PPARGC1A: variants seen among roughly 807,000 people sequenced by gnomAD.
The protein encoded by PPARGC1A is peroxisome proliferator-activated receptor gamma coactivator 1-alpha.
In PPARGC1A, 25 loss-of-function variants were observed where a neutral mutation model predicts 88.7. The ratio of observed to expected loss-of-function variants is 0.28; its 90% CI spans 0.21 to 0.39. The LOEUF is 0.39. Ranked by LOEUF, PPARGC1A falls within the 10% of genes least tolerant of loss-of-function variation. The pLI is 1.00. For synonymous variants in PPARGC1A, 363 were observed against 355.6 expected (o/e 1.02, Z -0.24); for missense variants, 880 against 968.7 (o/e 0.91, Z 1.22).
the PPARGC1A span, among the ~76,000 whole-genome samples, chr4:24,337,502 T>C: frequency 6.6e-6 from 1 of 152,026 alleles, no homozygotes; most frequent in Non-Finnish European, 1.5e-5. Flanking sequence ...CGACCAGAGC[T>C]CATGGAGGCA....
At chr4:24,175,081 G>C in the PPARGC1A span, among the ~76,000 whole-genome samples, 1 of 152,134 alleles carries the variant, frequency 6.6e-6, no homozygotes, top group African/African-American at 2.4e-5. Flanking sequence ...CCCTACAGAG[G>C]CCTCGCGATA....
the PPARGC1A span, among the ~76,000 whole-genome samples, chr4:24,263,435 G>C: frequency 7.3e-6 from 1 of 137,536 alleles, no homozygotes; most frequent in Non-Finnish European, 1.5e-5. Context: ...AATGACATAT[G>C]TATACACACA....
At chr4:23,935,488 A>G in the PPARGC1A span, among the ~76,000 whole-genome samples, 1 of 152,128 alleles carries the variant, frequency 6.6e-6, no homozygotes, top group Non-Finnish European at 1.5e-5. Context: ...ATGTTAGTAG[A>G]TATCAATTTT....
the PPARGC1A span, among the ~76,000 whole-genome samples, chr4:24,228,441 T>C: frequency 6.6e-6 from 1 of 152,086 alleles, no homozygotes; most frequent in African/African-American, 2.4e-5. Context: ...GAGCTAAACA[T>C]TGAGTCCTCA....
intron 12 of PPARGC1A, among the ~76,000 whole-genome samples, chr4:23,800,926 C>G (rs1193192499): frequency 3.4e-5 from 5 of 149,184 alleles, no homozygotes; most frequent in Non-Finnish European, 5.9e-5. Context: ...GGCACAGTGT[C>G]TGGCATATGG....
the PPARGC1A span, among the ~76,000 whole-genome samples, chr4:24,003,010 T>C: frequency 1.3e-5 from 2 of 152,204 alleles, no homozygotes; most frequent in Non-Finnish European, 2.9e-5. Flanking sequence ...GTCTGATTCC[T>C]CTTCTCAGTC....
At chr4:24,275,859 T>C in the PPARGC1A span, among the ~76,000 whole-genome samples, 1 of 152,108 alleles carries the variant, frequency 6.6e-6, no homozygotes, top group East Asian at 1.9e-4. Flanking sequence ...ATATATATAA[T>C]ACACACAGGC....
chr4:24,115,410 A>T, the PPARGC1A span, among the ~76,000 whole-genome samples: 2 of 152,152 alleles, frequency 1.3e-5, no homozygotes, highest in South Asian at 4.1e-4. Context: ...AGGCAATCCT[A>T]CATGCTTAGG....
chr4:24,018,681 TTA>T, the PPARGC1A span, among the ~76,000 whole-genome samples: 1 of 152,234 alleles, frequency 6.6e-6, no homozygotes, highest in Non-Finnish European at 1.5e-5. Context: ...CATCTCTTGC[TTA>T]TGTTTTCTGA....
the PPARGC1A span, among the ~76,000 whole-genome samples, chr4:24,340,355 C>T: frequency 1.3e-5 from 2 of 152,266 alleles, no homozygotes; most frequent in Admixed American, 6.5e-5. Context: ...GCTACTTAAA[C>T]GGCTTATTGA....
the PPARGC1A span, among the ~76,000 whole-genome samples, chr4:24,416,776 A>G: frequency 6.6e-6 from 1 of 152,184 alleles, no homozygotes; most frequent in South Asian, 2.1e-4. Flanking sequence ...CACGCCTGTA[A>G]TCCCGGCACT....
chr4:24,050,450 C>A, the PPARGC1A span, among the ~76,000 whole-genome samples: 1 of 152,046 alleles, frequency 6.6e-6, no homozygotes, highest in African/African-American at 2.4e-5. Flanking sequence ...CCCACCTCAG[C>A]CTCCCAAAGT....
chr4:23,961,166 A>G, the PPARGC1A span, among the ~76,000 whole-genome samples: 3 of 152,166 alleles, frequency 2.0e-5, no homozygotes, highest in East Asian at 5.8e-4. Flanking sequence ...ACCTCCTAAC[A>G]GTACTATCTT....
At chr4:23,969,405 A>G in the PPARGC1A span, among the ~76,000 whole-genome samples, 1 of 152,272 alleles carries the variant, frequency 6.6e-6, no homozygotes, top group East Asian at 1.9e-4. Context: ...CAGCATCACT[A>G]AACTGGTAAG....
the PPARGC1A span, among the ~76,000 whole-genome samples, chr4:23,969,170 T>C: frequency 6.6e-6 from 1 of 152,164 alleles, no homozygotes; most frequent in South Asian, 2.1e-4. Context: ...GAGTCTAAGA[T>C]TCAAGTCTTA....
chr4:23,873,501 T>C (rs1390492114), intron 2 of PPARGC1A, among the ~76,000 whole-genome samples: 1 of 152,180 alleles, frequency 6.6e-6, no homozygotes, highest in Non-Finnish European at 1.5e-5. Flanking sequence ...TGCAGAAATA[T>C]CAGCCACTGT....
At chr4:23,834,085 G>A (rs1725557821) in intron 2 of PPARGC1A, among the ~76,000 whole-genome samples, 1 of 152,156 alleles carries the variant, frequency 6.6e-6, no homozygotes, top group Non-Finnish European at 1.5e-5. Context: ...GGATCACTTG[G>A]TCAGGAGATC....
the PPARGC1A span, among the ~76,000 whole-genome samples, chr4:24,045,845 A>C: frequency 6.6e-6 from 1 of 152,196 alleles, no homozygotes; most frequent in African/African-American, 2.4e-5. Flanking sequence ...CTCACAGTCT[A>C]AAATCAATAT....
the PPARGC1A span, among the ~76,000 whole-genome samples, chr4:24,083,312 T>C: frequency 3.0e-4 from 45 of 152,212 alleles, 1 homozygote; most frequent in African/African-American, 1.1e-3. Flanking sequence ...CCCATGAGCA[T>C]AGATTAGGCG....
Sources: gnomAD v4.1 joint callset for allele counts (sites outside exome capture counted in the v4.1 genomes callset) on GRCh38, gnomAD v4.1.1 for gene constraint, MANE v1.5 for transcripts, NCBI Gene and HGNC (gene_info 2026-07-23, HGNC 2026-07-21) for gene names.